Variants in PREPL observed in about 807,000 individuals in gnomAD.
The protein encoded by PREPL is prolyl endopeptidase-like.
Under a neutral mutation model 70.6 loss-of-function variants are expected in PREPL, and 77 were observed. The ratio of observed to expected loss-of-function variants is 1.09; its 90% CI spans 0.91 to 1.32. PREPL has a LOEUF of 1.32. Ranked by LOEUF, PREPL falls within the 40% of genes most tolerant of loss-of-function variation. The pLI is 0.00. For missense variants in PREPL, 1,002 were observed against 778.2 expected (o/e 1.29, Z -3.42); for synonymous variants, 315 against 264.8 (o/e 1.19, Z -1.84).
At chr2:44,337,534 G>T (rs989240041) in intron 7 of PREPL, among the ~76,000 whole-genome samples, 2 of 152,180 alleles carry the variant, frequency 1.3e-5, no homozygotes, top group Non-Finnish European at 2.9e-5. Flanking sequence ...TTTTACAGGA[G>T]TTTTAAGAAT....
chr2:44,321,271 ATTAATT>A lies in PREPL; in HGVS notation c.*79_*84del. 8.6e-7 allele frequency: 1 copy of A among 1,163,158 alleles called. No homozygotes were observed. Among genetic ancestry groups the A allele is most frequent in the South Asian group, 1.4e-5 (1 of 69,214 alleles). 72.1% of individuals were successfully genotyped at this position (1,163,158 alleles called of 1,614,324 possible). A position where few individuals can be genotyped will look rare whatever the true frequency, so the allele number is the denominator to read the frequency against. On this transcript the variant is annotated 3_prime_UTR_variant, in exon 14 of 14. Coordinates refer to ENST00000409411, the MANE Select transcript of PREPL (RefSeq NM_001171613.2). ...ATTAATAACTTAAAAGTCTCAAGTT[ATTAATT>A]TTTTTTTTGCTAACTCAATTGGAAG...
chr2:44,333,898 C>T (rs1441922344), intron 7 of PREPL, among the ~76,000 whole-genome samples: 1 of 152,162 alleles, frequency 6.6e-6, no homozygotes, highest in Non-Finnish European at 1.5e-5. Context: ...GTACAAGGTT[C>T]CTTAGCCCAT....
intron 8 of PREPL, 32 bp downstream of exon 8, chr2:44,332,427 T>C (rs1047441030): frequency 6.5e-7 from 1 of 1,550,168 alleles, no homozygotes; most frequent in Admixed American, 1.7e-5. Flanking sequence ...TTTCAGTAAA[T>C]GGGAGCTGAA....
intron 1 of PREPL, among the ~76,000 whole-genome samples, chr2:44,352,639 A>C (rs1026995522): frequency 6.6e-6 from 1 of 152,136 alleles, no homozygotes; most frequent in East Asian, 1.9e-4. Flanking sequence ...ATTTTTGTTT[A>C]TTTTGTTCAG....
chr2:44,342,467 A>G lies in PREPL; in HGVS notation c.435T>C (p.Thr145=). 1 of 1,613,472 alleles carries G rather than the reference A, an allele frequency of 6.2e-7. No homozygotes were observed. The part of the protein sequence containing the change: ...NLRCHDVYRA[T]FGDNKRNERF... ...GTTCATTACGTTTGTTATCACCAAAAGTGGCTCGATATACGTCATGACAGC... is the reference window on the plus strand; with the variant it reads ...GTTCATTACGTTTGTTATCACCAAAGGTGGCTCGATATACGTCATGACAGC... The change falls in exon 5 of 14, where the codon ACT becomes ACC. Residue 145 remains threonine (T), a synonymous_variant. Transcript: ENST00000409411.
At chr2:44,352,908 A>C (rs940070302) in intron 1 of PREPL, among the ~76,000 whole-genome samples, 5 of 152,186 alleles carry the variant, frequency 3.3e-5, no homozygotes, top group African/African-American at 1.2e-4. Context: ...AAAGACAAGA[A>C]TAGGCATTCA....
chr2:44,338,625 C>G, intron 6 of PREPL, 89 bp from the exon 7 acceptor site: 2 of 1,026,312 alleles, frequency 1.9e-6, no homozygotes, highest in Non-Finnish European at 1.4e-6. Context: ...CTAGACCATA[C>G]TAGTCCTCAC....
chr2:44,322,838 T>G lies in PREPL; in HGVS notation c.1646A>C (p.His549Pro). 1.9e-6 allele frequency: 3 copies of G among 1,613,634 alleles called. No individual in the cohort carries two copies. Among genetic ancestry groups the G allele is most frequent in the Non-Finnish European group, 1.7e-6 (2 of 1,179,744 alleles). ...TTCATCGTTTTCATATGCCGTTATG[T>G]GAATTGAAGGATAATGCTGAAAGAA... ...NIKPQHYPSI[H>P]ITAYENDERV... Residue 549 changes from histidine to proline, a missense_variant, in exon 12 of 14, where the codon CAC becomes CCC. Transcript: ENST00000409411.
chr2:44,352,790 A>G lies in PREPL; in HGVS notation c.-48-6400T>C, dbSNP rs56799233. 8.7e-3 allele frequency among the ~76,000 whole-genome samples: 1,332 copies of G among 152,356 alleles called. 91 individuals are homozygous for G. In the East Asian group the frequency reaches 0.15, roughly 17 times the overall value. On this transcript the variant is annotated intron_variant, in intron 1 of 13. Transcript: ENST00000409411. ...GATATCACAAAGTGAAAAAAATAAT[A>G]ATAGAACAAATATGGAGAAGATATC...
At chr2:44,334,421 CTAAAT>C (rs1674429830) in intron 7 of PREPL, among the ~76,000 whole-genome samples, 1 of 152,088 alleles carries the variant, frequency 6.6e-6, no homozygotes, top group South Asian at 2.1e-4. Flanking sequence ...CCCAACTGGC[CTAAAT>C]TAAATATCAT....
intron 7 of PREPL, among the ~76,000 whole-genome samples, chr2:44,333,813 C>G (rs1407141530): frequency 6.6e-6 from 1 of 152,052 alleles, no homozygotes; most frequent in East Asian, 1.9e-4. Flanking sequence ...TAGTTATAAG[C>G]AAGCAAACTG....
At chr2:44,359,903 T>G in intron 1 of PREPL, 1 of 554,410 alleles carries the variant, frequency 1.8e-6, no homozygotes, top group Non-Finnish European at 3.2e-6. Flanking sequence ...GCTAACTAAA[T>G]CTAAAAACCT....
Position 44,326,833 on chromosome 2 carries a change from A to C in PREPL, c.1358T>G (p.Leu453Arg), listed in dbSNP as rs753241235. The C allele has an allele frequency of 6.2e-7, 1 of 1,614,170 alleles. No individual in the cohort carries two copies. The highest frequency in any genetic ancestry group is 1.1e-5 in the South Asian group (1 of 91,082). Reference protein sequence around the residue: ...LADLEACIKTLHGQGFSQPSL... With the variant: ...LADLEACIKTRHGQGFSQPSL... ...TGGCTGAGAAAAGCCTTGGCCATGA[A>C]GCGTCTTAATGCAAGCCTCTAAATC... The change falls in exon 10 of 14, where the codon CTT becomes CGT. Residue 453 changes from leucine (L) to arginine (R), a missense_variant. Transcript: ENST00000409411.
At chr2:44,323,007 T>C (rs1165423999) in intron 11 of PREPL, among the ~76,000 whole-genome samples, 153 bp from the exon 12 acceptor site, 1 of 152,172 alleles carries the variant, frequency 6.6e-6, no homozygotes, top group Non-Finnish European at 1.5e-5. Flanking sequence ...AGTATTACAG[T>C]AGTAGACTAC....
intron 4 of PREPL, 67 bp downstream of exon 4, chr2:44,343,678 A>G (rs1675468241): frequency 1.4e-6 from 2 of 1,451,898 alleles, no homozygotes; most frequent in Non-Finnish European, 1.9e-6. Context: ...CACATGCGAC[A>G]AAAAAATGTT....
chr2:44,359,162 G>A (rs1475073656), intron 1 of PREPL, among the ~76,000 whole-genome samples: 1 of 149,084 alleles, frequency 6.7e-6, no homozygotes, highest in East Asian at 2.0e-4. Context: ...TCTGCCTCCT[G>A]GGTTCAAGAG....
intron 7 of PREPL, among the ~76,000 whole-genome samples, chr2:44,336,097 C>T (rs1284336046): frequency 6.6e-6 from 1 of 152,148 alleles, no homozygotes. Context: ...AGCTTATACA[C>T]TGCTAGTGGA....
In PREPL at chr2:44,320,099, G is replaced by A. The variant is rs1328552710; in HGVS notation, c.*1257C>T. ...GGCAATTATAAGGGGCAAAATTGGA[G>A]CAAGTGTTTTGGGTAAATAACTCCT... On this transcript the variant is annotated 3_prime_UTR_variant, in exon 14 of 14. Transcript: ENST00000409411. The A allele has an allele frequency of 1.9e-6, 2 of 1,044,908 alleles. No homozygotes were observed. Among genetic ancestry groups the A allele is most frequent in the South Asian group, 3.0e-5 (2 of 65,956 alleles). 64.7% of individuals were successfully genotyped at this position (1,044,908 alleles called of 1,614,324 possible). A position where few individuals can be genotyped will look rare whatever the true frequency, so the allele number is the denominator to read the frequency against.
At chr2:44,343,721 G>A in intron 4 of PREPL, 24 bp downstream of exon 4, 1 of 1,587,474 alleles carries the variant, frequency 6.3e-7, no homozygotes, top group Non-Finnish European at 8.6e-7. Context: ...TCAACACAGA[G>A]GACTATTTTG....
Sources: gnomAD v4.1 joint callset for allele counts (sites outside exome capture counted in the v4.1 genomes callset) on GRCh38, gnomAD v4.1.1 for gene constraint, MANE v1.5 for transcripts, NCBI Gene and HGNC (gene_info 2026-07-23, HGNC 2026-07-21) for gene names.